Variants in FABP6 observed in about 807,000 individuals in gnomAD.
FABP6 encodes fatty acid binding protein 6, also known as gastrotropin.
In FABP6, 13 loss-of-function variants were observed where a neutral mutation model predicts 14.9. The ratio of observed to expected loss-of-function variants is 0.87; its 90% CI spans 0.57 to 1.39. FABP6 has a LOEUF of 1.39. FABP6 is among the 40% of genes most tolerant of loss of function. FABP6 has a pLI of 0.00. For synonymous variants in FABP6, 75 were observed against 63.6 expected, an observed-to-expected ratio of 1.18 and a Z score of -0.85; for missense variants, 161 against 167.2, an observed-to-expected ratio of 0.96 and a Z score of 0.20.
upstream of FABP6, among the ~76,000 whole-genome samples, chr5:160,227,837 T>TGG (rs1760283641): frequency 6.6e-6 from 1 of 151,178 alleles, no homozygotes; most frequent in African/African-American, 2.4e-5. Context: ...TGTGTGTGTG[T>TGG]GTGTGTGTGT....
intron 3 of FABP6, among the ~76,000 whole-genome samples, chr5:160,221,193 A>T (rs1412330488): frequency 6.6e-6 from 1 of 152,010 alleles, no homozygotes; most frequent in Admixed American, 6.6e-5. Flanking sequence ...GAATGAATCA[A>T]TGGTGTGTCT....
At chr5:160,233,125 G>A (rs1760428173) in intron 2 of FABP6, among the ~76,000 whole-genome samples, 1 of 151,292 alleles carries the variant, frequency 6.6e-6, no homozygotes, top group Admixed American at 6.6e-5. Flanking sequence ...GGGATTACAG[G>A]CGTGCACCAC....
rs575659799 is a variant in FABP6 at position 160,189,387 on chromosome 5, G to A, written c.-59+1933G>A. 3.9e-5 allele frequency among the ~76,000 whole-genome samples: 6 copies of A among 151,930 alleles called. No individual in the cohort carries two copies. The South Asian group carries it at 8.3e-4, about 21-fold the overall frequency. ...CTCCCTAGTAGCTGGGATTACAGGC[G>A]CCCACCACCACACCCGGCTAATTTT... On this transcript the variant is annotated intron_variant, in intron 1 of 6. Transcript: ENST00000393980.
At chr5:160,192,829 A>ACCAATCACAT (rs1759424921) in intron 1 of FABP6, among the ~76,000 whole-genome samples, 1 of 152,220 alleles carries the variant, frequency 6.6e-6, no homozygotes, top group African/African-American at 2.4e-5. Flanking sequence ...AAGAAATCCC[A>ACCAATCACAT]CGCTGGGGTT....
intron 1 of FABP6, 131 bp from the exon 2 acceptor site, chr5:160,231,967 C>A: frequency 9.7e-7 from 1 of 1,035,098 alleles, no homozygotes; most frequent in Non-Finnish European, 1.4e-6. Context: ...AGGCACTGTG[C>A]TCTTAACCTG....
chr5:160,236,632 C>T (rs1476279877), intron 3 of FABP6, among the ~76,000 whole-genome samples: 2 of 152,126 alleles, frequency 1.3e-5, no homozygotes, highest in African/African-American at 2.4e-5. Context: ...CTCTTCTGCC[C>T]AGGCCCACGG....
intron 2 of FABP6, among the ~76,000 whole-genome samples, chr5:160,212,448 C>T (rs62379613): frequency 0.4 from 60,713 of 151,798 alleles, 12,303 homozygotes; most frequent in Non-Finnish European, 0.43. Context: ...GCTTCTGCGT[C>T]TGGCCCTACA....
At chr5:160,189,952 A>G (rs1441465243) in intron 1 of FABP6, among the ~76,000 whole-genome samples, 3 of 152,190 alleles carry the variant, frequency 2.0e-5, no homozygotes, top group East Asian at 3.9e-4. Context: ...GCAATAGCTC[A>G]TTTAATTATC....
intron 3 of FABP6, among the ~76,000 whole-genome samples, chr5:160,223,146 T>C (rs1760164090): frequency 6.6e-6 from 1 of 152,286 alleles, no homozygotes; most frequent in East Asian, 1.9e-4. Context: ...GGCAACCCCA[T>C]GTGGAACAAA....
At chr5:160,235,794 T>C (rs1461775973) in intron 3 of FABP6, among the ~76,000 whole-genome samples, 1 of 151,994 alleles carries the variant, frequency 6.6e-6, no homozygotes, top group Non-Finnish European at 1.5e-5. Flanking sequence ...TCTCTCTCAT[T>C]CTCGCTTTCT....
intron 1 of FABP6, among the ~76,000 whole-genome samples, chr5:160,196,318 A>G (rs1211211804): frequency 6.6e-6 from 1 of 152,220 alleles, no homozygotes; most frequent in Non-Finnish European, 1.5e-5. Flanking sequence ...GACAACCTCA[A>G]CTACAGCTTC....
Position 160,229,575 on chromosome 5 carries a change from G to C in FABP6, c.18G>C (p.Lys6Asn), listed in dbSNP as rs199603872. The C allele has an allele frequency of 5.6e-6, 9 of 1,614,062 alleles. No homozygotes were observed. In the East Asian group the frequency reaches 1.8e-4, roughly 32 times the overall value. Residue 6 changes from lysine to asparagine, a missense_variant, in exon 1 of 4, where the codon AAG becomes AAC. Transcript: ENST00000402432. ...CCAGCAGCATGGCTTTCACCGGCAA[G>C]TTCGAGATGGAGAGTGAGAAGAATT... is the stretch of plus-strand genomic sequence containing the variant. The part of the protein sequence containing the change: MAFTG[K>N]FEMESEKNYD...
At chr5:160,214,475 T>A (rs1759972981) in intron 3 of FABP6, among the ~76,000 whole-genome samples, 1 of 151,720 alleles carries the variant, frequency 6.6e-6, no homozygotes, top group Non-Finnish European at 1.5e-5. Context: ...TCAAGTGGAT[T>A]TCGTTTTCTT....
chr5:160,232,958 C>A lies in FABP6; in HGVS notation c.243+685C>A, dbSNP rs113526263. Among the ~76,000 whole-genome samples the A allele has an allele frequency of 4.9e-3, 709 of 146,176 alleles. 5 individuals are homozygous for A. Among genetic ancestry groups the A allele is most frequent in the Admixed American group, 4.9e-3 (69 of 14,212 alleles). The stretch of plus-strand genomic sequence containing the variant: ...GCCTTAGTTACACAACAGGGGCAGG[C>A]CTTTACACCAGGCACTAGAGAGCAT... On this transcript the variant is annotated intron_variant, in intron 2 of 3. Coordinates refer to ENST00000402432, the MANE Select transcript of FABP6 (RefSeq NM_001445.3).
intron 3 of FABP6, among the ~76,000 whole-genome samples, chr5:160,237,339 T>G (rs1019422505): frequency 1.6e-4 from 24 of 152,082 alleles, no homozygotes; most frequent in African/African-American, 5.6e-4. Context: ...AGGGTCATCA[T>G]GCACACACAC....
chr5:160,213,435 G>C (rs183367660), intron 2 of FABP6, among the ~76,000 whole-genome samples: 10 of 152,332 alleles, frequency 6.6e-5, no homozygotes, highest in African/African-American at 2.4e-4. Flanking sequence ...TGATAGGGGT[G>C]CAAATTGCCC....
chr5:160,193,207 G>A (rs1009607348), intron 1 of FABP6, among the ~76,000 whole-genome samples: 2 of 152,082 alleles, frequency 1.3e-5, no homozygotes, highest in East Asian at 1.9e-4. Context: ...TCGTGGTCTC[G>A]CTGGCTCAGG....
At chr5:160,193,776 A>G (rs1243639055) in intron 1 of FABP6, among the ~76,000 whole-genome samples, 1 of 152,196 alleles carries the variant, frequency 6.6e-6, no homozygotes, top group East Asian at 1.9e-4. Context: ...ACAATCCCTG[A>G]GCTAGACATA....
At position 160,198,838 on chromosome 5, in the gene FABP6, C is replaced by G. The variant is rs75417868; in HGVS notation, c.-58-211C>G. 3.9e-3 allele frequency: 1,936 copies of G among 498,472 alleles called. 35 individuals are homozygous for G. Among genetic ancestry groups the G allele is most frequent in the African/African-American group, 0.034 (1,763 of 51,810 alleles). 30.9% of individuals were successfully genotyped at this position (498,472 alleles called of 1,614,324 possible). A position where few individuals can be genotyped will look rare whatever the true frequency, so the allele number is the denominator to read the frequency against. ...TGAAAACGACCTCTTCAAATACTGG[C>G]CCATCATCCTGTTGTTCTTTACAGC... On this transcript the variant is annotated intron_variant, in intron 1 of 6. Transcript: ENST00000393980.
Sources: gnomAD v4.1 joint callset for allele counts (sites outside exome capture counted in the v4.1 genomes callset) on GRCh38, gnomAD v4.1.1 for gene constraint, MANE v1.5 for transcripts, NCBI Gene and HGNC (gene_info 2026-07-23, HGNC 2026-07-21) for gene names.